Variants in WDR49 observed in about 807,000 individuals in gnomAD.
WDR49 encodes the protein WD repeat domain 49, also known as cilia- and flagella-associated protein 337.
A neutral mutation model predicts 119.5 loss-of-function variants in WDR49; 107 were observed. That is an observed-to-expected ratio of 0.90 (90% CI 0.77 to 1.05). The LOEUF (loss-of-function observed/expected upper bound fraction) is 1.05. WDR49 is among the 50% of genes least tolerant of loss of function. WDR49 has a pLI of 0.00. For missense variants in WDR49, 1,240 were observed against 1,220.5 expected (o/e 1.02, Z -0.24); for synonymous variants, 425 against 418.8 (o/e 1.01, Z -0.18).
chr3:167,502,343 C>A lies in WDR49; in HGVS notation c.2885-2044G>T, dbSNP rs142373554. Among the ~76,000 whole-genome samples, 5 of 152,234 alleles carry A rather than the reference C, an allele frequency of 3.3e-5. No homozygotes were observed. In the South Asian group the frequency reaches 6.2e-4, roughly 19 times the overall value. The stretch of plus-strand genomic sequence containing the variant: ...TATCAGACATTTCTTTACGGCAATG[C>A]AAAAATGGCCTGACACAGAAAATTG... On this transcript the variant is annotated intron_variant, in intron 17 of 18. Transcript: ENST00000682715.
At chr3:167,573,059 T>C (rs912058913) in intron 8 of WDR49, among the ~76,000 whole-genome samples, 3 of 152,098 alleles carry the variant, frequency 2.0e-5, no homozygotes, top group Admixed American at 2.0e-4. Context: ...GAAAAGGAGA[T>C]GTCATAAAGC....
At chr3:167,526,148 G>C (rs1245123507) in intron 15 of WDR49, among the ~76,000 whole-genome samples, 1 of 151,820 alleles carries the variant, frequency 6.6e-6, no homozygotes, top group Admixed American at 6.6e-5. Flanking sequence ...TGAACAGAAG[G>C]GAAAAAATAA....
intron 18 of WDR49, among the ~76,000 whole-genome samples, chr3:167,493,489 C>T (rs191678916): frequency 9.1e-4 from 138 of 152,232 alleles, no homozygotes; most frequent in African/African-American, 3.2e-3. Flanking sequence ...GTAACTTCCA[C>T]GTACAGCATC....
intron 2 of WDR49, among the ~76,000 whole-genome samples, chr3:167,633,947 T>A (rs753347952): frequency 6.6e-6 from 1 of 152,004 alleles, no homozygotes; most frequent in Admixed American, 6.6e-5. Flanking sequence ...AAGTATACAC[T>A]TAATATAGAT....
intron 16 of WDR49, among the ~76,000 whole-genome samples, chr3:167,505,810 G>A (rs6799725): frequency 0.28 from 42,374 of 152,096 alleles, 6,843 homozygotes; most frequent in Non-Finnish European, 0.37. Context: ...AGTGTTAGGC[G>A]TGTATCTTTA....
chr3:167,620,417 C>A lies in WDR49; in HGVS notation c.958+12G>T. The A allele has an allele frequency of 1.3e-6, 2 of 1,531,666 alleles. No homozygotes were observed. The highest frequency in any genetic ancestry group is 2.4e-5 in the South Asian group (2 of 83,392). The allele number at this position is 1,531,666 out of a possible 1,614,324, so 94.9% of individuals were successfully genotyped here. Reference sequence around the variant, plus strand: ...GTGACCATTTACTTTCATTACTGTTCAAATTCAATACCTTGCCTGACCCAA... The same window carrying A: ...GTGACCATTTACTTTCATTACTGTTAAAATTCAATACCTTGCCTGACCCAA... On this transcript the variant is annotated intron_variant, in intron 5 of 18. Transcript: ENST00000682715.
intron 8 of WDR49, among the ~76,000 whole-genome samples, chr3:167,565,410 C>A (rs1443166216): frequency 6.9e-6 from 1 of 144,902 alleles, no homozygotes; most frequent in Non-Finnish European, 1.5e-5. Flanking sequence ...CACACACACA[C>A]ACTTATATGT....
intron 9 of WDR49, among the ~76,000 whole-genome samples, chr3:167,556,588 T>C (rs1712941114): frequency 6.6e-6 from 1 of 152,154 alleles, no homozygotes; most frequent in African/African-American, 2.4e-5. Context: ...ATTGGTGCTA[T>C]CAAAATTAAA....
At chr3:167,609,836 G>C (rs1716258556) in intron 5 of WDR49, among the ~76,000 whole-genome samples, 1 of 152,170 alleles carries the variant, frequency 6.6e-6, no homozygotes, top group Non-Finnish European at 1.5e-5. Context: ...GCTTTGCCTT[G>C]CCTCTAGGAT....
intron 2 of WDR49, among the ~76,000 whole-genome samples, chr3:167,648,269 G>GTATA (rs1718218796): frequency 6.6e-6 from 1 of 152,084 alleles, no homozygotes; most frequent in African/African-American, 2.4e-5. Context: ...ATACTTGAAA[G>GTATA]GTATTCAATT....
chr3:167,602,105 T>G (rs777810460), intron 7 of WDR49, 22 bp downstream of exon 7: 18 of 1,548,680 alleles, frequency 1.2e-5, no homozygotes, highest in Non-Finnish European at 8.8e-6. Flanking sequence ...ACTAAATTAA[T>G]TAAAAGCACA....
At chr3:167,546,519 C>T (rs62277768) in intron 10 of WDR49, among the ~76,000 whole-genome samples, 42,375 of 151,412 alleles carry the variant, frequency 0.28, 6,090 homozygotes, top group South Asian at 0.31. Flanking sequence ...TTTCCTGGCA[C>T]TGAAGGAGTT....
chr3:167,582,149 G>A (rs1349239864), intron 7 of WDR49, among the ~76,000 whole-genome samples: 1 of 151,638 alleles, frequency 6.6e-6, no homozygotes, highest in African/African-American at 2.4e-5. Flanking sequence ...TAGCATACTT[G>A]CAGATAATAG....
At chr3:167,546,167 A>C (rs1712184486) in intron 10 of WDR49, among the ~76,000 whole-genome samples, 1 of 151,922 alleles carries the variant, frequency 6.6e-6, no homozygotes, top group Non-Finnish European at 1.5e-5. Flanking sequence ...TCTTTTTGCC[A>C]AGATACTCAT....
chr3:167,518,907 G>A (rs1383383622), intron 16 of WDR49, among the ~76,000 whole-genome samples: 3 of 150,732 alleles, frequency 2.0e-5, no homozygotes, highest in Admixed American at 6.6e-5. Context: ...AGAGTCCACA[G>A]GGAACTTAAA....
Position 167,543,842 on chromosome 3 carries a change from G to A in WDR49, c.1824-6842C>T, listed in dbSNP as rs556990484. ...AGGCATCCAAATCAGTAAAGAGGAAGTCAAACTGTTGCTGTTTCCCAATGA... is the reference window on the plus strand; with the variant it reads ...AGGCATCCAAATCAGTAAAGAGGAAATCAAACTGTTGCTGTTTCCCAATGA... On this transcript the variant is annotated intron_variant, in intron 10 of 18. Coordinates refer to ENST00000682715, the MANE Select transcript of WDR49 (RefSeq NM_001366157.1). Among the ~76,000 whole-genome samples, 107 of 152,068 alleles carry A rather than the reference G, an allele frequency of 7.0e-4. 1 individual carries two copies. The highest frequency in any genetic ancestry group is 2.5e-3 in the African/African-American group (104 of 41,522).
chr3:167,506,801 G>A (rs113441980), intron 16 of WDR49, among the ~76,000 whole-genome samples: 1 of 152,108 alleles, frequency 6.6e-6, no homozygotes, highest in South Asian at 2.1e-4. Flanking sequence ...TTAGCCTCTG[G>A]CCTGTGACGA....
chr3:167,617,312 A>C (rs769223981), intron 5 of WDR49, among the ~76,000 whole-genome samples: 12 of 152,188 alleles, frequency 7.9e-5, no homozygotes, highest in Non-Finnish European at 1.6e-4. Flanking sequence ...GAATTACTTG[A>C]GGTCAGGAGT....
At chr3:167,597,033 G>A (rs1163914748) in intron 7 of WDR49, among the ~76,000 whole-genome samples, 1 of 151,682 alleles carries the variant, frequency 6.6e-6, no homozygotes, top group African/African-American at 2.4e-5. Context: ...GTAACAAGGA[G>A]CCAAATGTTA....
Sources: allele counts gnomAD v4.1 joint callset (sites outside exome capture counted in the v4.1 genomes callset), GRCh38; gene constraint gnomAD v4.1.1; transcripts MANE v1.5; gene names NCBI Gene and HGNC (gene_info 2026-07-23, HGNC 2026-07-21).